The following MRAS variants were observed in gnomAD, a reference collection of about 807,000 sequenced individuals.
The protein encoded by MRAS is muscle RAS oncogene homolog.
In MRAS, 4 loss-of-function variants were observed where a neutral mutation model predicts 20.9. The ratio of observed to expected loss-of-function variants is 0.19; its 90% CI spans 0.09 to 0.44. MRAS has a LOEUF of 0.44. MRAS is among the 20% of genes least tolerant of loss of function. MRAS has a pLI of 0.99. For synonymous variants in MRAS, 98 were observed against 102.9 expected (o/e 0.95, Z 0.29); for missense variants, 154 against 277.5 (o/e 0.56, Z 3.16).
chr3:138,387,465 T>A (rs887964398), intron 2 of MRAS, among the ~76,000 whole-genome samples: 2 of 152,178 alleles, frequency 1.3e-5, no homozygotes, highest in African/African-American at 2.4e-5. Context: ...GAGCAAGGCT[T>A]GGAATCAGAC....
At chr3:138,391,125 A>G (rs2055124464) in intron 2 of MRAS, among the ~76,000 whole-genome samples, 1 of 151,976 alleles carries the variant, frequency 6.6e-6, no homozygotes, top group South Asian at 2.1e-4. Context: ...TACTCTGGCA[A>G]TTTCTACTTT....
intron 1 of MRAS, among the ~76,000 whole-genome samples, chr3:138,354,026 G>A (rs1490399237): frequency 6.6e-6 from 1 of 152,188 alleles, no homozygotes; most frequent in Non-Finnish European, 1.5e-5. Flanking sequence ...TCCCATGGAG[G>A]TGTGGCTCTA....
chr3:138,357,666 A>G (rs1299334409), intron 1 of MRAS, among the ~76,000 whole-genome samples: 1 of 152,242 alleles, frequency 6.6e-6, no homozygotes, highest in Non-Finnish European at 1.5e-5. Flanking sequence ...GGTATGGGCC[A>G]TGCCCACTGG....
intron 5 of MRAS, 60 bp from the exon 6 acceptor site, chr3:138,402,110 G>C (rs1430046999): frequency 9.2e-6 from 14 of 1,516,614 alleles, no homozygotes; most frequent in Non-Finnish European, 1.2e-5. Flanking sequence ...GGAGGAGAGG[G>C]GCAGAGGAGA....
intron 1 of MRAS, among the ~76,000 whole-genome samples, chr3:138,361,402 T>C (rs2054444741): frequency 6.6e-6 from 1 of 152,126 alleles, no homozygotes; most frequent in African/African-American, 2.4e-5. Flanking sequence ...GGGACAATGC[T>C]AGTGGTGGTT....
intron 2 of MRAS, among the ~76,000 whole-genome samples, chr3:138,381,869 C>T (rs1459176647): frequency 7.9e-5 from 12 of 152,098 alleles, no homozygotes; most frequent in South Asian, 4.2e-4. Flanking sequence ...TTTCTGGGGA[C>T]GAGGAGGAGA....
intron 1 of MRAS, among the ~76,000 whole-genome samples, chr3:138,360,647 C>T (rs1242841626): frequency 6.6e-6 from 1 of 152,190 alleles, no homozygotes; most frequent in Non-Finnish European, 1.5e-5. Flanking sequence ...CCACTGCAGT[C>T]CTCTAGGTCC....
At chr3:138,348,368 C>G (rs557720626), upstream of MRAS, 4 of 152,356 alleles carry the variant, frequency 2.6e-5, no homozygotes, top group East Asian at 7.7e-4. Flanking sequence ...CCGACCCCAG[C>G]CCCTGGCGCT....
intron 2 of MRAS, among the ~76,000 whole-genome samples, chr3:138,376,961 C>T (rs1187750953): frequency 6.6e-6 from 1 of 152,210 alleles, no homozygotes; most frequent in African/African-American, 2.4e-5. Flanking sequence ...CTCTCTACAG[C>T]CATATAAACT....
At chr3:138,355,095 T>G (rs967744676) in intron 1 of MRAS, among the ~76,000 whole-genome samples, 5 of 152,074 alleles carry the variant, frequency 3.3e-5, no homozygotes, top group Non-Finnish European at 7.4e-5. Flanking sequence ...ACAAAATACA[T>G]TATATACTCT....
intron 2 of MRAS, among the ~76,000 whole-genome samples, chr3:138,394,889 C>T (rs544715845): frequency 7.9e-5 from 12 of 152,304 alleles, no homozygotes; most frequent in East Asian, 1.9e-4. Context: ...ACCCACTCCC[C>T]GCCCTCGGCT....
intron 2 of MRAS, among the ~76,000 whole-genome samples, chr3:138,392,657 T>G (rs1314569624): frequency 6.6e-6 from 1 of 152,206 alleles, no homozygotes; most frequent in East Asian, 1.9e-4. Context: ...TGTAGATGCA[T>G]TTCTTTTCTT....
intron 1 of MRAS, among the ~76,000 whole-genome samples, chr3:138,360,712 C>G (rs1236556725): frequency 2.0e-5 from 3 of 152,214 alleles, no homozygotes; most frequent in Non-Finnish European, 2.9e-5. Context: ...TCTACCCAAG[C>G]CAGACTCCCA....
intron 1 of MRAS, chr3:138,349,124 A>G (rs1335686382): frequency 1.4e-5 from 2 of 141,714 alleles, no homozygotes; most frequent in African/African-American, 5.3e-5. Flanking sequence ...TGGGTGGGGG[A>G]CTCTTTACCC....
intron 2 of MRAS, among the ~76,000 whole-genome samples, chr3:138,389,227 A>C (rs1242949917): frequency 2.0e-5 from 3 of 152,036 alleles, no homozygotes; most frequent in Non-Finnish European, 4.4e-5. Flanking sequence ...TTTTCTGTAG[A>C]GTGCAGATGA....
At chr3:138,394,300 TG>T (rs750266661) in intron 2 of MRAS, among the ~76,000 whole-genome samples, 8 of 152,122 alleles carry the variant, frequency 5.3e-5, no homozygotes, top group Non-Finnish European at 8.8e-5. Flanking sequence ...ATTTCCTACA[TG>T]AGACTGAGGC....
intron 1 of MRAS, among the ~76,000 whole-genome samples, chr3:138,370,488 C>T (rs2054652093): frequency 6.6e-6 from 1 of 152,046 alleles, no homozygotes; most frequent in African/African-American, 2.4e-5. Context: ...TTTCTGTCAC[C>T]CTGCAACTCC....
chr3:138,397,588 G>A (rs1278196600), intron 3 of MRAS, 111 bp downstream of exon 3: 19 of 1,337,108 alleles, frequency 1.4e-5, no homozygotes, highest in Admixed American at 5.1e-5. Context: ...AATTAAAGGC[G>A]TGGATTTTTT....
chr3:138,389,026 G>A (rs2055073766), intron 2 of MRAS, among the ~76,000 whole-genome samples: 1 of 151,936 alleles, frequency 6.6e-6, no homozygotes, highest in Non-Finnish European at 1.5e-5. Flanking sequence ...ATTTTTAGTA[G>A]AGACTGGGTT....
Sources: gnomAD v4.1 joint callset for allele counts (sites outside exome capture counted in the v4.1 genomes callset) on GRCh38, gnomAD v4.1.1 for gene constraint, MANE v1.5 for transcripts, NCBI Gene and HGNC (gene_info 2026-07-23, HGNC 2026-07-21) for gene names.